Variants in PPP3CC observed in about 807,000 individuals in gnomAD.
PPP3CC encodes serine/threonine-protein phosphatase 2B catalytic subunit gamma isoform.
PPP3CC carries 35 observed loss-of-function variants against 60.3 expected under a neutral mutation model. The observed-to-expected ratio is 0.58, with a 90% CI of 0.44 to 0.77. The LOEUF is 0.77. PPP3CC is among the 30% of genes least tolerant of loss of function. PPP3CC has a pLI of 0.00. For synonymous variants in PPP3CC, 206 were observed against 224.3 expected, an observed-to-expected ratio of 0.92 and a Z score of 0.73; for missense variants, 570 against 628.9, an observed-to-expected ratio of 0.91 and a Z score of 1.00.
intron 1 of PPP3CC, among the ~76,000 whole-genome samples, chr8:22,474,488 G>A (rs1837827377): frequency 6.6e-6 from 1 of 152,040 alleles, no homozygotes; most frequent in Non-Finnish European, 1.5e-5. Flanking sequence ...TGGATCACCT[G>A]AGGTCAGGAG....
chr8:22,540,168 T>G (rs1212416855), intron 13 of PPP3CC, among the ~76,000 whole-genome samples: 2 of 152,158 alleles, frequency 1.3e-5, no homozygotes, highest in Non-Finnish European at 2.9e-5. Flanking sequence ...AAAGATTAGC[T>G]CTTTTGTTAC....
intron 4 of PPP3CC, among the ~76,000 whole-genome samples, chr8:22,509,768 C>T (rs1278602828): frequency 1.3e-5 from 2 of 152,142 alleles, no homozygotes; most frequent in Non-Finnish European, 1.5e-5. Flanking sequence ...GTGACACTAT[C>T]GTAGTTCACT....
chr8:22,466,895 C>T (rs1837538262), intron 1 of PPP3CC, among the ~76,000 whole-genome samples: 1 of 151,538 alleles, frequency 6.6e-6, no homozygotes, highest in Admixed American at 6.6e-5. Flanking sequence ...GCAGATGCCA[C>T]CACACCTGGA....
intron 10 of PPP3CC, among the ~76,000 whole-genome samples, chr8:22,529,671 A>T (rs1026946967): frequency 1.3e-5 from 2 of 151,934 alleles, no homozygotes; most frequent in Non-Finnish European, 2.9e-5. Flanking sequence ...TTTAGTATAG[A>T]TGGGGTTTCG....
intron 8 of PPP3CC, among the ~76,000 whole-genome samples, chr8:22,525,534 CTT>C (rs1470732625): frequency 1.1e-3 from 68 of 63,510 alleles, no homozygotes; most frequent in African/African-American, 1.8e-3. Context: ...TTCTTTCTTT[CTT>C]TCTCTCCCTC....
At chr8:22,488,087 T>G (rs1262996181) in intron 3 of PPP3CC, among the ~76,000 whole-genome samples, 1 of 152,210 alleles carries the variant, frequency 6.6e-6, no homozygotes, top group Non-Finnish European at 1.5e-5. Flanking sequence ...ATATATCTCG[T>G]TACCTCAAAA....
At chr8:22,463,398 C>G (rs1043162169) in intron 1 of PPP3CC, among the ~76,000 whole-genome samples, 1 of 152,190 alleles carries the variant, frequency 6.6e-6, no homozygotes, top group Non-Finnish European at 1.5e-5. Context: ...TACAAAAGTT[C>G]TTTTGATAAG....
At chr8:22,530,027 A>G (rs1839659576) in intron 10 of PPP3CC, among the ~76,000 whole-genome samples, 1 of 152,182 alleles carries the variant, frequency 6.6e-6, no homozygotes, top group Non-Finnish European at 1.5e-5. Context: ...AGGATAAACC[A>G]TCTCCATCGT....
At chr8:22,496,259 C>T (rs1294931394) in intron 3 of PPP3CC, among the ~76,000 whole-genome samples, 1 of 151,682 alleles carries the variant, frequency 6.6e-6, no homozygotes, top group Admixed American at 6.6e-5. Context: ...ACATAAGGAC[C>T]AGTACCACTG....
chr8:22,507,875 A>G (rs934930526), intron 4 of PPP3CC, among the ~76,000 whole-genome samples: 16 of 152,186 alleles, frequency 1.1e-4, no homozygotes, highest in African/African-American at 3.6e-4. Context: ...TCCAGACTCC[A>G]TTCTCTTCAC....
chr8:22,509,682 A>G (rs1839025529), intron 4 of PPP3CC, among the ~76,000 whole-genome samples: 2 of 152,176 alleles, frequency 1.3e-5, no homozygotes, highest in Admixed American at 1.3e-4. Flanking sequence ...ACATCAAAAT[A>G]TAATTTATTA....
At chr8:22,500,934 A>C (rs1838743347) in intron 4 of PPP3CC, among the ~76,000 whole-genome samples, 2 of 152,158 alleles carry the variant, frequency 1.3e-5, no homozygotes, top group African/African-American at 4.8e-5. Context: ...TGAGTGGATC[A>C]CTTGAGCCCA....
At position 22,511,074 on chromosome 8, in the gene PPP3CC, C is replaced by T. The variant is rs376913312; in HGVS notation, c.485-12C>T. Reference sequence around the variant, plus strand: ...TTAGTTCTTCCATTGACTGGTTTTCCTTTTTTGTTAGGTCGAATCAAATAT... The same window carrying T: ...TTAGTTCTTCCATTGACTGGTTTTCTTTTTTTGTTAGGTCGAATCAAATAT... On this transcript the variant is annotated splice_polypyrimidine_tract_variant and intron_variant, in intron 4 of 13. Coordinates refer to ENST00000240139, the MANE Select transcript of PPP3CC (RefSeq NM_005605.5). 7 of 1,612,002 alleles carry T rather than the reference C, an allele frequency of 4.3e-6. No homozygotes were observed. The African/African-American group carries it at 8.0e-5, about 18-fold the overall frequency.
At chr8:22,516,452 A>G (rs549100143) in intron 6 of PPP3CC, among the ~76,000 whole-genome samples, 45 of 152,350 alleles carry the variant, frequency 3.0e-4, no homozygotes, top group Admixed American at 1.2e-3. Flanking sequence ...TTCTACTTCT[A>G]AAACTTAATC....
intron 3 of PPP3CC, chr8:22,492,933 G>C (rs577601256): frequency 3.2e-6 from 4 of 1,245,436 alleles, no homozygotes; most frequent in East Asian, 4.6e-5. Context: ...AAACCAGCTT[G>C]GTGCACACTG....
intron 1 of PPP3CC, among the ~76,000 whole-genome samples, chr8:22,465,021 T>A (rs1481664390): frequency 1.3e-5 from 2 of 150,296 alleles, no homozygotes; most frequent in Non-Finnish European, 3.0e-5. Flanking sequence ...GCAGTGGTGC[T>A]ATCTTGGCTC....
chr8:22,523,112 G>A (rs1464814131), intron 8 of PPP3CC, among the ~76,000 whole-genome samples: 1 of 152,088 alleles, frequency 6.6e-6, no homozygotes, highest in Non-Finnish European at 1.5e-5. Context: ...GTCACCATTG[G>A]TATTTTAATC....
chr8:22,525,544 CTCTCTCTCTCTCTCTTTCTT>C (rs1839534307), intron 8 of PPP3CC, among the ~76,000 whole-genome samples: 4 of 40,940 alleles, frequency 9.8e-5, no homozygotes, highest in Non-Finnish European at 1.9e-4. Flanking sequence ...CTTTCTCTCC[CTCTCTCTCTCTCTCTTTCTT>C]TCTCTCTCTC....
intron 10 of PPP3CC, among the ~76,000 whole-genome samples, chr8:22,529,014 C>T (rs547585901): frequency 3.8e-4 from 58 of 152,308 alleles, no homozygotes; most frequent in Non-Finnish European, 7.4e-4. Flanking sequence ...AAAATGTGCA[C>T]ATTCTCTTAA....
Sources: allele counts gnomAD v4.1 joint callset (sites outside exome capture counted in the v4.1 genomes callset), GRCh38; gene constraint gnomAD v4.1.1; transcripts MANE v1.5; gene names NCBI Gene and HGNC (gene_info 2026-07-23, HGNC 2026-07-21).